RBFOX1: variants seen among roughly 807,000 people sequenced by gnomAD.
RBFOX1 encodes RNA binding protein fox-1 homolog 1.
In RBFOX1, 8 loss-of-function variants were observed where a neutral mutation model predicts 57.7. That is an observed-to-expected ratio of 0.14 (90% CI 0.08 to 0.25). The LOEUF (loss-of-function observed/expected upper bound fraction) is 0.25, where lower values mean the gene tolerates loss of function less well. Among genes scored for constraint, RBFOX1 ranks in the 10% least tolerant of loss-of-function variants. The pLI is 1.00. For missense variants in RBFOX1, 611 were observed against 548.5 expected, an observed-to-expected ratio of 1.11 and a Z score of -1.14; for synonymous variants, 326 against 222.4, an observed-to-expected ratio of 1.47 and a Z score of -4.15.
intron 4 of RBFOX1, among the ~76,000 whole-genome samples, chr16:7,405,937 G>T (rs539750202): frequency 6.6e-6 from 1 of 152,130 alleles, no homozygotes; most frequent in Non-Finnish European, 1.5e-5. Flanking sequence ...TAGTTGTCAC[G>T]ACTGGGCAGT....
intron 3 of RBFOX1, among the ~76,000 whole-genome samples, chr16:5,758,885 A>G (rs1435012389): frequency 1.3e-5 from 2 of 152,202 alleles, no homozygotes; most frequent in African/African-American, 4.8e-5. Flanking sequence ...CTGACCCTCC[A>G]TGCAACATGA....
intron 3 of RBFOX1, among the ~76,000 whole-genome samples, chr16:6,998,594 A>G (rs932207046): frequency 1.6e-4 from 24 of 152,184 alleles, no homozygotes; most frequent in Admixed American, 6.5e-5. Context: ...TGGTTATATC[A>G]TTGTGATCGA....
chr16:6,011,732 G>C (rs1317734264), intron 4 of RBFOX1, among the ~76,000 whole-genome samples: 1 of 152,198 alleles, frequency 6.6e-6, no homozygotes, highest in Non-Finnish European at 1.5e-5. Flanking sequence ...ATCCATCAGT[G>C]AGTGAGCAAA....
At chr16:6,447,432 A>G (rs934778985) in intron 2 of RBFOX1, among the ~76,000 whole-genome samples, 2 of 152,220 alleles carry the variant, frequency 1.3e-5, no homozygotes, top group African/African-American at 4.8e-5. Context: ...TGTTATAAAA[A>G]TGAGGTAGGC....
At chr16:6,949,868 G>T (rs1391795696) in intron 3 of RBFOX1, among the ~76,000 whole-genome samples, 1 of 151,788 alleles carries the variant, frequency 6.6e-6, no homozygotes, top group African/African-American at 2.4e-5. Flanking sequence ...AAGCCCCTCT[G>T]TTGCTGAACT....
chr16:6,173,604 CTTTTT>C (rs35528338), intron 1 of RBFOX1, among the ~76,000 whole-genome samples: 5 of 70,948 alleles, frequency 7.0e-5, no homozygotes, highest in African/African-American at 2.9e-4. Context: ...TGACCACTCC[CTTTTT>C]TTTTTTTTTT....
intron 2 of RBFOX1, among the ~76,000 whole-genome samples, chr16:6,557,880 G>A (rs1452117871): frequency 6.6e-6 from 1 of 152,034 alleles, no homozygotes; most frequent in Non-Finnish European, 1.5e-5. Flanking sequence ...CTCCCCTTTG[G>A]TGTGTTAAGT....
intron 4 of RBFOX1, among the ~76,000 whole-genome samples, chr16:7,334,307 C>T (rs1029552756): frequency 3.3e-5 from 5 of 152,034 alleles, no homozygotes; most frequent in Admixed American, 3.3e-4. Flanking sequence ...GGAGAACGGT[C>T]CTTTGCAGCG....
chr16:7,332,452 A>AT (rs538323743), intron 4 of RBFOX1, among the ~76,000 whole-genome samples: 2 of 152,088 alleles, frequency 1.3e-5, no homozygotes, highest in Middle Eastern at 3.4e-3. Context: ...ATATCTTCTT[A>AT]TTTTTTTTCT....
chr16:5,941,683 A>G (rs1349480501), intron 4 of RBFOX1, among the ~76,000 whole-genome samples: 2 of 151,932 alleles, frequency 1.3e-5, no homozygotes, highest in Non-Finnish European at 2.9e-5. Flanking sequence ...CCACTTAGTC[A>G]TTTTAAATGA....
chr16:6,794,862 T>A (rs2083649201), intron 3 of RBFOX1, among the ~76,000 whole-genome samples: 1 of 152,040 alleles, frequency 6.6e-6, no homozygotes, highest in African/African-American at 2.4e-5. Context: ...AGGGCTTTTT[T>A]CCCCCTATGA....
intron 14 of RBFOX1, among the ~76,000 whole-genome samples, chr16:7,693,795 G>A (rs1341975716): frequency 6.6e-6 from 1 of 152,122 alleles, no homozygotes; most frequent in East Asian, 1.9e-4. Flanking sequence ...ATTAGAGGCT[G>A]TAAAAGACTG....
chr16:6,904,406 G>C (rs777767539), intron 3 of RBFOX1, among the ~76,000 whole-genome samples: 7 of 151,816 alleles, frequency 4.6e-5, no homozygotes, highest in Middle Eastern at 3.2e-3. Context: ...TTTGAGACCA[G>C]TCTGGCCAAC....
chr16:5,811,252 G>C (rs914353621), intron 3 of RBFOX1, among the ~76,000 whole-genome samples: 3 of 142,758 alleles, frequency 2.1e-5, no homozygotes, highest in African/African-American at 5.3e-5. Flanking sequence ...TTCCACCTCA[G>C]CCTCCCAAGT....
intron 1 of RBFOX1, among the ~76,000 whole-genome samples, chr16:6,302,006 G>T (rs949675015): frequency 2.0e-5 from 3 of 152,084 alleles, no homozygotes; most frequent in Non-Finnish European, 4.4e-5. Flanking sequence ...TTTGTTTACT[G>T]CAGGTTTTCA....
intron 12 of RBFOX1, among the ~76,000 whole-genome samples, chr16:7,657,040 T>C (rs372895210): frequency 2.3e-4 from 35 of 152,200 alleles, no homozygotes; most frequent in Admixed American, 3.9e-4. Context: ...CTGTCACCAA[T>C]TGAAGGCATA....
intron 3 of RBFOX1, among the ~76,000 whole-genome samples, chr16:6,840,819 G>T (rs1205343843): frequency 6.6e-6 from 1 of 151,064 alleles, no homozygotes; most frequent in Admixed American, 6.6e-5. Flanking sequence ...CCTGGGAGGT[G>T]GAGGTTGTGG....
intron 3 of RBFOX1, among the ~76,000 whole-genome samples, chr16:7,018,403 G>T (rs1467937953): frequency 1.3e-5 from 2 of 152,140 alleles, no homozygotes; most frequent in Non-Finnish European, 2.9e-5. Flanking sequence ...GCATAATTGT[G>T]TGTGCGTGGG....
intron 3 of RBFOX1, among the ~76,000 whole-genome samples, chr16:6,769,537 T>A (rs2077949083): frequency 6.6e-6 from 1 of 152,236 alleles, no homozygotes; most frequent in Non-Finnish European, 1.5e-5. Context: ...TTAATAAACA[T>A]CAGGCTGTTT....
Sources: gnomAD v4.1 joint callset for allele counts (sites outside exome capture counted in the v4.1 genomes callset) on GRCh38, gnomAD v4.1.1 for gene constraint, MANE v1.5 for transcripts, NCBI Gene and HGNC (gene_info 2026-07-23, HGNC 2026-07-21) for gene names.